The following PRRC2A variants were observed in gnomAD, a reference collection of about 807,000 sequenced individuals.
PRRC2A encodes protein PRRC2A.
In PRRC2A, 59 loss-of-function variants were observed where a neutral mutation model predicts 224.6. The observed-to-expected ratio is 0.26, with a 90% CI of 0.21 to 0.33. PRRC2A has a LOEUF of 0.33. Ranked by LOEUF, PRRC2A falls within the 10% of genes least tolerant of loss-of-function variation. PRRC2A has a pLI of 1.00. For missense variants in PRRC2A, 3,095 were observed against 2,880.7 expected (o/e 1.07, Z -1.70); for synonymous variants, 1,194 against 1,109.5 (o/e 1.08, Z -1.51).
chr6:31,629,102 A>T (rs372052097), intron 12 of PRRC2A, 42 bp from the exon 13 acceptor site: 1 of 1,595,264 alleles, frequency 6.3e-7, no homozygotes, highest in Admixed American at 1.7e-5. Context: ...TGGAGTGTCT[A>T]TTGTTGGACT....
At chr6:31,637,197 G>A (rs1777494885) in intron 29 of PRRC2A, 37 bp from the exon 30 acceptor site, 1 of 1,606,818 alleles carries the variant, frequency 6.2e-7, no homozygotes, top group Non-Finnish European at 8.5e-7. Flanking sequence ...CCAGGGTCTG[G>A]ATCCTAGGCT....
At chr6:31,622,630 T>C (rs1775420257) in intron 1 of PRRC2A, 60 bp from the exon 2 acceptor site, 2 of 607,288 alleles carry the variant, frequency 3.3e-6, no homozygotes, top group East Asian at 2.8e-5. Flanking sequence ...GAGGGCCTCA[T>C]ATCTGAGTCC....
chr6:31,627,143 T>A lies in PRRC2A; in HGVS notation c.1235T>A (p.Leu412Gln), dbSNP rs563072458. The A allele has an allele frequency of 5.0e-5, 81 of 1,613,612 alleles. No individual in the cohort carries two copies. In the South Asian group the frequency reaches 8.2e-4, roughly 16 times the overall value. Residue 412 changes from leucine to glutamine, a missense_variant, in exon 11 of 31, where the codon CTA becomes CAA. By Grantham distance (113) the Leu-to-Gln change is moderately radical. Coordinates refer to ENST00000376033, the MANE Select transcript of PRRC2A (RefSeq NM_004638.4). The surrounding 1 kb of genome is among the most constrained non-coding windows in gnomAD (Gnocchi z 5.6). ...GGACCTCCTGCCCCAAAGCCTCCCC[T>A]ACCCCCACCTCACCGGGGCCCCGCC... is the stretch of plus-strand genomic sequence containing the variant. ...EPGPPAPKPP[L>Q]PPPHRGPAGN... is the part of the protein sequence containing the mutation.
chr6:31,637,549 G>A lies in PRRC2A; in HGVS notation c.6437G>A (p.Arg2146Gln), dbSNP rs752095210. Reference sequence around the variant, plus strand: ...CGACGGGCAGAGGAGCCTGGGTCCCGAGGGGACAAGGAGCCTGGGTTGCCC... The same window carrying A: ...CGACGGGCAGAGGAGCCTGGGTCCCAAGGGGACAAGGAGCCTGGGTTGCCC... The part of the protein sequence containing the change: ...PSRRAEEPGS[R>Q]GDKEPGLPPP... Residue 2146 changes from arginine (R) to glutamine (Q), a missense_variant, in exon 31 of 31, where the codon CGA becomes CAA. Physicochemically the swap from Arg to Gln is conservative, Grantham distance 43. Coordinates refer to ENST00000376033, the MANE Select transcript of PRRC2A (RefSeq NM_004638.4). The A allele has an allele frequency of 3.0e-5, 47 of 1,592,590 alleles. No homozygotes were observed. In the Middle Eastern group the frequency reaches 6.8e-4, roughly 23 times the overall value.
rs751175247 is a variant in PRRC2A at position 31,631,972 on chromosome 6, G to A, written c.3299G>A (p.Arg1100Gln). 12 of 1,612,444 alleles carry A rather than the reference G, an allele frequency of 7.4e-6. No individual in the cohort carries two copies. Among genetic ancestry groups the A allele is most frequent in the South Asian group, 1.1e-5 (1 of 91,036 alleles). Reference protein sequence around the residue: ...EGSEYEEIPKRRRQRGSETGS... With the variant: ...EGSEYEEIPKQRRQRGSETGS... ...TCAGAGTATGAGGAAATCCCCAAGC[G>A]GCGCCGGCAGCGGGGCTCAGAAACA... Residue 1100 changes from arginine to glutamine, a missense_variant, in exon 16 of 31, where the codon CGG becomes CAG. Physicochemically the swap from Arg to Gln is conservative, Grantham distance 43. Coordinates refer to ENST00000376033, the MANE Select transcript of PRRC2A (RefSeq NM_004638.4). This position sits in a 1 kb window ranked among gnomAD's most constrained non-coding sequence, Gnocchi z 4.5.
rs765723162 is a variant in PRRC2A, at chr6:31,632,548, C to G, written c.3875C>G (p.Thr1292Arg). 6.2e-7 allele frequency: 1 copy of G among 1,611,442 alleles called. No individual in the cohort carries two copies. The highest frequency in any genetic ancestry group is 1.1e-5 in the South Asian group (1 of 90,884). Residue 1292 changes from threonine to arginine, a missense_variant, in exon 16 of 31, where the codon ACA becomes AGA. By Grantham distance (71) the Thr-to-Arg change is moderately conservative (BLOSUM62 -1). Around this residue, in one of 8 missense-constraint regions of PRRC2A, gnomAD observed 2,001 missense variants for 1,764.9 expected, o/e 1.13. Transcript: ENST00000376033. ...SAPGPEEALT[T>R]VTVAPAPRRA... ...CCTGGACCTGAGGAGGCCCTCACAA[C>G]AGTCACAGTGGCCCCAGCACCTCGC...
rs1312472544 is a variant in PRRC2A, at chr6:31,632,288, T to C, written c.3615T>C (p.Ser1205=). The part of the protein sequence containing the change: ...KKPPTGPLPP[S]KEPLKEKLIP... Reference sequence around the variant, plus strand: ...CTCCCACAGGCCCTTTGCCACCAAGTAAGGAGCCTTTGAAAGAGAAGTTGA... The same window carrying C: ...CTCCCACAGGCCCTTTGCCACCAAGCAAGGAGCCTTTGAAAGAGAAGTTGA... The change falls in exon 16 of 31, where the codon AGT becomes AGC. Residue 1205 remains serine (S), a synonymous_variant. Coordinates refer to ENST00000376033, the MANE Select transcript of PRRC2A (RefSeq NM_004638.4). The C allele has an allele frequency of 2.5e-6, 4 of 1,613,076 alleles. No homozygotes were observed. The highest frequency in any genetic ancestry group is 3.4e-6 in the Non-Finnish European group (4 of 1,179,984).
intron 9 of PRRC2A, among the ~76,000 whole-genome samples, chr6:31,626,404 A>AT (rs1775916002): frequency 1.3e-5 from 2 of 151,612 alleles, no homozygotes; most frequent in Non-Finnish European, 2.9e-5. Context: ...AAAAAAAAAA[A>AT]TTTTTTAGTT....
rs774001277 is a variant in PRRC2A, at chr6:31,630,683, C to T, written c.2347C>T (p.Pro783Ser). 7 of 1,614,178 alleles carry T rather than the reference C, an allele frequency of 4.3e-6. No individual in the cohort carries two copies. The highest frequency in any genetic ancestry group is 5.9e-6 in the Non-Finnish European group (7 of 1,180,040). ...APAMLRERGT[P>S]PVDPKLAWVG... ...TGCTATGTTACGGGAACGGGGCACT[C>T]CACCGGTGGATCCAAAGTTGGCCTG... The change falls in exon 15 of 31, where the codon CCA becomes TCA. Residue 783 changes from proline to serine, a missense_variant. Pro to Ser is a moderately conservative substitution (Grantham distance 74). This residue lies in a region of PRRC2A where 2,001 missense variants were observed against 1,764.9 expected (regional missense o/e 1.13). Transcript: ENST00000376033.
rs2736171 is a variant in PRRC2A at position 31,627,710 on chromosome 6, A to G, written c.1291-55A>G. The G allele has an allele frequency of 0.39, 616,350 of 1,579,246 alleles. 126,818 individuals carry two copies. The highest frequency in any genetic ancestry group is 0.59 in the East Asian group (25,852 of 44,184). On this transcript the variant is annotated intron_variant, in intron 11 of 30. Coordinates refer to ENST00000376033, the MANE Select transcript of PRRC2A (RefSeq NM_004638.4). This position sits in a 1 kb window ranked among gnomAD's most constrained non-coding sequence, Gnocchi z 5.6. ...CAGTTGATTTGTTGTAAAAGAGATG[A>G]TAGAAAGCATAGTAACTGATTCCCC...
Position 31,631,017 on chromosome 6 carries a change from C to T in PRRC2A, c.2466-122C>T, listed in dbSNP as rs909674126. On this transcript the variant is annotated intron_variant, in intron 15 of 30. Coordinates refer to ENST00000376033, the MANE Select transcript of PRRC2A (RefSeq NM_004638.4). The surrounding 1 kb of genome is among the most constrained non-coding windows in gnomAD (Gnocchi z 4.5). ...ACTAGCCTCGGCAACTGGATGCCATCTCTGCCAAAACAAACAGAAAAATAG... is the reference window on the plus strand; with the variant it reads ...ACTAGCCTCGGCAACTGGATGCCATTTCTGCCAAAACAAACAGAAAAATAG... 4.7e-6 allele frequency: 6 copies of T among 1,266,560 alleles called. No homozygotes were observed. In the Admixed American group the frequency reaches 1.4e-4, roughly 30 times the overall value. The allele number at this position is 1,266,560 out of a possible 1,614,324, so 78.5% of individuals were successfully genotyped here.
chr6:31,627,733 C>T lies in PRRC2A; in HGVS notation c.1291-32C>T. 6.2e-7 allele frequency: 1 copy of T among 1,605,708 alleles called. No homozygotes were observed. Among genetic ancestry groups the T allele is most frequent in the Non-Finnish European group, 8.5e-7 (1 of 1,175,404 alleles). On this transcript the variant is annotated intron_variant, in intron 11 of 30. Coordinates refer to ENST00000376033, the MANE Select transcript of PRRC2A (RefSeq NM_004638.4). This position sits in a 1 kb window ranked among gnomAD's most constrained non-coding sequence, Gnocchi z 5.6. ...TGATAGAAAGCATAGTAACTGATTC[C>T]CCTGGCCCTGCTGGGTCTTGCCAAT...
At position 31,634,734 on chromosome 6, in the gene PRRC2A, C is replaced by T; in HGVS notation, c.4936-19C>T. ...GCTTTCTACCCTGACTTAACTAGCT[C>T]CTTCTCCACTCCTCTCAGATGAGTC... On this transcript the variant is annotated intron_variant, in intron 20 of 30. Transcript: ENST00000376033. 6.2e-7 allele frequency: 1 copy of T among 1,609,126 alleles called. No individual in the cohort carries two copies. Among genetic ancestry groups the T allele is most frequent in the Non-Finnish European group, 8.5e-7 (1 of 1,177,642 alleles).
chr6:31,621,348 T>G (rs981430513), intron 1 of PRRC2A, among the ~76,000 whole-genome samples: 8 of 152,160 alleles, frequency 5.3e-5, no homozygotes, highest in Non-Finnish European at 8.8e-5. Context: ...GAATCCTGCT[T>G]TTATCCCAGC....
At chr6:31,623,015 G>A (rs1335631705) in intron 2 of PRRC2A, 114 bp downstream of exon 2, 13 of 944,730 alleles carry the variant, frequency 1.4e-5, no homozygotes, top group East Asian at 2.4e-5. Flanking sequence ...AAGACTAGAG[G>A]AGATTTCCCA....
rs116364237 is a variant in PRRC2A at position 31,632,323 on chromosome 6, C to T, written c.3650C>T (p.Pro1217Leu). 25 of 1,613,434 alleles carry T rather than the reference C, an allele frequency of 1.5e-5. No individual in the cohort carries two copies. In the East Asian group the frequency reaches 3.8e-4, roughly 24 times the overall value. Residue 1217 changes from proline (P) to leucine (L), a missense_variant, in exon 16 of 31, where the codon CCT becomes CTT. By Grantham distance (98) the Pro-to-Leu change is moderately conservative. Transcript: ENST00000376033. ...EPLKEKLIPG[P>L]LSPVARGGSN... ...TTGAAAGAGAAGTTGATCCCAGGGC[C>T]TCTGTCCCCTGTGGCGCGCGGAGGC...
At chr6:31,630,324 A>AC in intron 14 of PRRC2A, among the ~76,000 whole-genome samples, 1 of 152,094 alleles carries the variant, frequency 6.6e-6, no homozygotes, top group East Asian at 1.9e-4. Flanking sequence ...TCAAAAATGA[A>AC]TGAATGAATA....
rs766476069 is a variant in PRRC2A at position 31,635,198 on chromosome 6, C to G, written c.5227C>G (p.Arg1743Gly). The G allele has an allele frequency of 5.6e-6, 9 of 1,612,780 alleles. No individual in the cohort carries two copies. The highest frequency in any genetic ancestry group is 1.3e-5 in the African/African-American group (1 of 74,900). Residue 1743 changes from arginine to glycine, a missense_variant, in exon 22 of 31, where the codon CGA (arginine) becomes GGA (glycine). This residue lies in a region of PRRC2A where 662 missense variants were observed against 609.5 expected (regional missense o/e 1.09). Transcript: ENST00000376033. ...CACAGAACGATCACAGCGTACAGAC[C>G]GAGGCACAGAGCCTGGCCCCATTCG... ...IGTERSQRTD[R>G]GTEPGPIRPS...
chr6:31,626,896 G>C lies in PRRC2A; in HGVS notation c.1073+34G>C. On this transcript the variant is annotated intron_variant, in intron 10 of 30. Transcript: ENST00000376033. ...GGGCCATCAGGGGAGAAGAGGAGGG[G>C]GTCTTGGTTTGTATTTTGGTAATAT... 1.9e-6 allele frequency: 3 copies of C among 1,612,630 alleles called. No homozygotes were observed. In the South Asian group the frequency reaches 3.3e-5, roughly 18 times the overall value.
Sources: gnomAD v4.1 joint callset for allele counts (sites outside exome capture counted in the v4.1 genomes callset) on GRCh38, gnomAD v4.1.1 for gene constraint, gnomAD v4.1.1 regional missense constraint, Gnocchi (gnomAD v3.1) non-coding constraint, MANE v1.5 for transcripts, NCBI Gene and HGNC (gene_info 2026-07-23, HGNC 2026-07-21) for gene names.